The following ENTR1 variants were observed in gnomAD, a reference collection of about 807,000 sequenced individuals.
The protein encoded by ENTR1 is endosome-associated-trafficking regulator 1.
ENTR1 carries 47 observed loss-of-function variants against 47.9 expected under a neutral mutation model. The ratio of observed to expected loss-of-function variants is 0.98; its 90% confidence interval spans 0.78 to 1.25. ENTR1 has a LOEUF of 1.25. Ranked by LOEUF, ENTR1 falls within the 50% of genes most tolerant of loss-of-function variation. The pLI, the probability that ENTR1 is intolerant of heterozygous loss-of-function variation, is 0.00. For missense variants in ENTR1, 668 were observed against 570.5 expected (o/e 1.17, Z -1.74); for synonymous variants, 290 against 245.8 (o/e 1.18, Z -1.68).
At position 136,403,801 on chromosome 9, in the gene ENTR1, T is replaced by C. The variant is rs539867112; in HGVS notation, c.1208+254A>G. 9.6e-4 allele frequency among the ~76,000 whole-genome samples: 146 copies of C among 152,128 alleles called. 1 individual carries two copies. Among genetic ancestry groups the C allele is most frequent in the Non-Finnish European group, 1.4e-3 (95 of 67,978 alleles). On this transcript the variant is annotated intron_variant, in intron 9 of 9. Transcript: ENST00000357365. ...CGCCCACATGGGGTGGGGCTGAGGT[T>C]CAGTGCAGGGTGCTGTGGCTGTCTG...
intron 2 of ENTR1, 29 bp from the exon 3 acceptor site, chr9:136,409,096 C>T: frequency 1.2e-6 from 2 of 1,608,774 alleles, no homozygotes; most frequent in Non-Finnish European, 1.7e-6. Flanking sequence ...ACCCACCATG[C>T]TGGCAGGAAG....
At chr9:136,406,773 A>G (rs1834785636) in intron 5 of ENTR1, among the ~76,000 whole-genome samples, 1 of 152,134 alleles carries the variant, frequency 6.6e-6, no homozygotes, top group East Asian at 1.9e-4. Context: ...CACGGCGCCC[A>G]GCTAAAAAAT....
At chr9:136,404,287 C>A in intron 8 of ENTR1, 93 bp from the exon 9 acceptor site, 1 of 1,504,332 alleles carries the variant, frequency 6.6e-7, no homozygotes, top group South Asian at 1.3e-5. Context: ...CCCGTGGGGG[C>A]CTGGCACTCA....
chr9:136,408,651 G>A (rs748729214), intron 3 of ENTR1, among the ~76,000 whole-genome samples: 13 of 152,082 alleles, frequency 8.5e-5, no homozygotes, highest in South Asian at 2.1e-4. Flanking sequence ...CCCTCTTCCC[G>A]ACTTTCCTAC....
intron 3 of ENTR1, 45 bp from the exon 4 acceptor site, chr9:136,407,983 G>A (rs748665539): frequency 1.9e-5 from 24 of 1,281,940 alleles, no homozygotes; most frequent in African/African-American, 2.9e-5. Flanking sequence ...ACTGAAGAGC[G>A]TTGAAAGGGA....
chr9:136,403,319 G>A (rs1169237909), intron 9 of ENTR1, among the ~76,000 whole-genome samples: 1 of 123,078 alleles, frequency 8.1e-6, no homozygotes, highest in Non-Finnish European at 1.7e-5. Context: ...GGTGGGGTTT[G>A]CCGGGGGGAG....
At chr9:136,404,890 GC>G in intron 7 of ENTR1, 197 bp from the exon 8 acceptor site, 1 of 668,920 alleles carries the variant, frequency 1.5e-6, no homozygotes. Flanking sequence ...CTGTGCTCTG[GC>G]CCCCCACTCC....
intron 2 of ENTR1, 96 bp from the exon 3 acceptor site, chr9:136,409,163 G>T: frequency 4.0e-6 from 4 of 999,952 alleles, no homozygotes; most frequent in Non-Finnish European, 6.3e-6. Flanking sequence ...CCACTGCAGT[G>T]GTTCTCACAG....
Sources: gnomAD v4.1 joint callset for allele counts (sites outside exome capture counted in the v4.1 genomes callset) on GRCh38, gnomAD v4.1.1 for gene constraint, MANE v1.5 for transcripts, NCBI Gene and HGNC (gene_info 2026-07-23, HGNC 2026-07-21) for gene names.